SOX5: variants seen among roughly 807,000 people sequenced by gnomAD.
SOX5 encodes the protein transcription factor SOX-5.
Under a neutral mutation model 92.0 loss-of-function variants are expected in SOX5, and 9 were observed. That is an observed-to-expected ratio of 0.10 (90% CI 0.06 to 0.17). The LOEUF is 0.17. Among genes scored for constraint, SOX5 ranks in the 10% least tolerant of loss-of-function variants. SOX5 has a pLI of 1.00. For missense variants in SOX5, 642 were observed against 944.5 expected (o/e 0.68, Z 4.20); for synonymous variants, 344 against 336.3 (o/e 1.02, Z -0.25).
Position 24,156,430 on chromosome 12 carries a change from T to C in SOX5, c.-2+56913A>G, listed in dbSNP as rs146730032. On this transcript the variant is annotated intron_variant, in intron 4 of 4. Coordinates refer to the SOX5 transcript ENST00000446891. The stretch of plus-strand genomic sequence containing the variant: ...AAGGACTGCTTCTGGGGAACAATAA[T>C]ATAATACAATACACCTTGGAAAGCA... Among the ~76,000 whole-genome samples the C allele has an allele frequency of 1.8e-3, 274 of 152,214 alleles. 2 individuals are homozygous for C. The highest frequency in any genetic ancestry group is 6.3e-3 in the African/African-American group (261 of 41,544).
intron 4 of SOX5, among the ~76,000 whole-genome samples, chr12:24,187,491 A>G (rs1318512234): frequency 6.6e-6 from 1 of 152,234 alleles, no homozygotes. Context: ...CATTTGCTTC[A>G]TAACTGCACT....
intron 3 of SOX5, among the ~76,000 whole-genome samples, chr12:23,814,178 T>C (rs562959678): frequency 1.2e-3 from 190 of 152,326 alleles, no homozygotes; most frequent in Non-Finnish European, 2.4e-3. Flanking sequence ...GTATCAATAA[T>C]GCCAATTTCC....
At position 23,533,757 on chromosome 12, in the gene SOX5, A is replaced by T. The variant is rs1391689565; in HGVS notation, c.*462T>A. ...AAGGAAAGAAAAAGAAAAGGAAAAA[A>T]CCCAGAAACCCCAAAAAACAAAACA... On this transcript the variant is annotated 3_prime_UTR_variant, in exon 15 of 15. Coordinates refer to ENST00000451604, the MANE Select transcript of SOX5 (RefSeq NM_006940.6). 4 of 152,774 alleles carry T rather than the reference A, an allele frequency of 2.6e-5. No individual in the cohort carries two copies. The highest frequency in any genetic ancestry group is 9.7e-5 in the African/African-American group (4 of 41,434). The allele number at this position is 152,774 out of a possible 1,614,324, so 9.5% of individuals were successfully genotyped here.
At chr12:24,493,335 G>A (rs1947282338) in intron 1 of SOX5, among the ~76,000 whole-genome samples, 1 of 152,136 alleles carries the variant, frequency 6.6e-6, no homozygotes, top group African/African-American at 2.4e-5. Context: ...GATATTAAAT[G>A]TAATGTGGTA....
chr12:23,795,237 C>T (rs954624524), intron 3 of SOX5, among the ~76,000 whole-genome samples: 2 of 150,712 alleles, frequency 1.3e-5, no homozygotes, highest in Non-Finnish European at 2.9e-5. Flanking sequence ...TTTTTAAAAA[C>T]GGTAGATTCA....
chr12:24,060,002 G>A (rs1417681765), intron 4 of SOX5, among the ~76,000 whole-genome samples: 1 of 152,184 alleles, frequency 6.6e-6, no homozygotes, highest in Non-Finnish European at 1.5e-5. Flanking sequence ...AGCAGTGAAA[G>A]ACATTAGGGA....
At chr12:24,304,516 G>A (rs1948353631) in intron 2 of SOX5, among the ~76,000 whole-genome samples, 1 of 152,182 alleles carries the variant, frequency 6.6e-6, no homozygotes, top group South Asian at 2.1e-4. Context: ...GAGCAGTTTG[G>A]CAGCTAGGTG....
At chr12:24,009,475 G>A (rs562775083) in intron 4 of SOX5, among the ~76,000 whole-genome samples, 13 of 152,188 alleles carry the variant, frequency 8.5e-5, no homozygotes, top group African/African-American at 2.9e-4. Flanking sequence ...ACTTAGATCA[G>A]ATCTGAGAGC....
intron 4 of SOX5, among the ~76,000 whole-genome samples, chr12:24,053,679 G>C (rs537606505): frequency 6.6e-6 from 1 of 151,936 alleles, no homozygotes; most frequent in Non-Finnish European, 1.5e-5. Context: ...TTGCAAAGTG[G>C]GCTGCAACTT....
intron 2 of SOX5, among the ~76,000 whole-genome samples, chr12:24,355,076 A>G (rs895181191): frequency 2.0e-5 from 3 of 152,166 alleles, no homozygotes; most frequent in Non-Finnish European, 2.9e-5. Flanking sequence ...CAGAAATTGT[A>G]TAGAGTTGAC....
intron 1 of SOX5, among the ~76,000 whole-genome samples, chr12:24,479,084 A>G (rs1471269104): frequency 6.6e-6 from 1 of 152,168 alleles, no homozygotes; most frequent in African/African-American, 2.4e-5. Flanking sequence ...GTTCCCATCA[A>G]ATATTCCAGT....
chr12:24,195,921 G>GTT (rs2139466721), intron 4 of SOX5, among the ~76,000 whole-genome samples: 1 of 152,288 alleles, frequency 6.6e-6, no homozygotes, highest in African/African-American at 2.4e-5. Flanking sequence ...GTCTCATTCT[G>GTT]TTGCCCAGGC....
At chr12:24,388,791 T>G (rs1184658239) in intron 1 of SOX5, among the ~76,000 whole-genome samples, 1 of 152,070 alleles carries the variant, frequency 6.6e-6, no homozygotes, top group Admixed American at 6.6e-5. Context: ...CATCCCCAGG[T>G]AGCCATGAAT....
At chr12:24,470,204 C>T (rs1944655736) in intron 1 of SOX5, among the ~76,000 whole-genome samples, 1 of 152,144 alleles carries the variant, frequency 6.6e-6, no homozygotes, top group Admixed American at 6.5e-5. Flanking sequence ...TTAGAATGTA[C>T]TTTGAATTTG....
At chr12:23,626,692 T>A (rs1198662128) in intron 8 of SOX5, among the ~76,000 whole-genome samples, 1 of 139,854 alleles carries the variant, frequency 7.2e-6, no homozygotes, top group Non-Finnish European at 1.6e-5. Context: ...TTTTTTTTTA[T>A]CTTATCCCTT....
intron 1 of SOX5, among the ~76,000 whole-genome samples, chr12:24,561,184 T>C (rs1954303855): frequency 6.6e-6 from 1 of 152,202 alleles, no homozygotes; most frequent in Non-Finnish European, 1.5e-5. Context: ...TACAGTTGAC[T>C]GCCACCCAGA....
intron 1 of SOX5, among the ~76,000 whole-genome samples, chr12:24,494,472 A>G (rs562683230): frequency 3.9e-5 from 6 of 152,340 alleles, no homozygotes; most frequent in African/African-American, 1.2e-4. Flanking sequence ...CAGATAGCAT[A>G]GTTTATTATT....
intron 1 of SOX5, among the ~76,000 whole-genome samples, chr12:24,398,836 C>T (rs1043274233): frequency 2.6e-5 from 4 of 152,098 alleles, no homozygotes; most frequent in East Asian, 1.9e-4. Context: ...GTTTCACTCC[C>T]GCCACCCATG....
intron 2 of SOX5, among the ~76,000 whole-genome samples, chr12:24,284,237 G>A (rs1406602872): frequency 6.6e-6 from 1 of 152,120 alleles, no homozygotes; most frequent in Non-Finnish European, 1.5e-5. Context: ...CCTGGGTGAG[G>A]GTCTTGCCAG....
Sources: gnomAD v4.1 joint callset for allele counts (sites outside exome capture counted in the v4.1 genomes callset) on GRCh38, gnomAD v4.1.1 for gene constraint, MANE v1.5 for transcripts, NCBI Gene and HGNC (gene_info 2026-07-23, HGNC 2026-07-21) for gene names.